ELP4: variants seen among roughly 807,000 people sequenced by gnomAD.
ELP4 encodes the protein elongator acetyltransferase complex subunit 4, also known as elongator complex protein 4.
In ELP4, 51 loss-of-function variants were observed where a neutral mutation model predicts 48.9. That is an observed-to-expected ratio of 1.04 (90% CI 0.83 to 1.32). The LOEUF is 1.32. Ranked by LOEUF, ELP4 falls within the 40% of genes most tolerant of loss-of-function variation. The pLI is 0.00. For synonymous variants in ELP4, 210 were observed against 189.2 expected (o/e 1.11, Z -0.90); for missense variants, 519 against 514.6 (o/e 1.01, Z -0.08).
At chr11:31,686,186 G>A (rs944037866) in intron 9 of ELP4, among the ~76,000 whole-genome samples, 6 of 151,704 alleles carry the variant, frequency 4.0e-5, no homozygotes, top group African/African-American at 1.5e-4. Flanking sequence ...TGTCATGCTA[G>A]CCCTAATACA....
chr11:31,653,975 T>C (rs1027895780), intron 9 of ELP4: 1 of 151,812 alleles, frequency 6.6e-6, no homozygotes, highest in African/African-American at 2.4e-5. Context: ...TTTGATGACA[T>C]AAGTGCAACA....
At chr11:31,583,741 A>C (rs189756203) in intron 3 of ELP4, among the ~76,000 whole-genome samples, 1 of 152,372 alleles carries the variant, frequency 6.6e-6, no homozygotes, top group East Asian at 1.9e-4. Flanking sequence ...TATAGTAAAC[A>C]ATTTAAAGTG....
chr11:31,777,624 GCT>G (rs1216572583), intron 9 of ELP4, among the ~76,000 whole-genome samples: 1 of 152,158 alleles, frequency 6.6e-6, no homozygotes, highest in Non-Finnish European at 1.5e-5. Context: ...CTCCCTTGCA[GCT>G]AGATGTGGCC....
intron 3 of ELP4, among the ~76,000 whole-genome samples, chr11:31,548,602 C>G (rs1161785755): frequency 6.6e-6 from 1 of 152,164 alleles, no homozygotes; most frequent in Non-Finnish European, 1.5e-5. Flanking sequence ...ATCAAGCTAC[C>G]AATGACTTTC....
At chr11:31,688,417 G>C (rs751983236) in intron 9 of ELP4, among the ~76,000 whole-genome samples, 1 of 152,078 alleles carries the variant, frequency 6.6e-6, no homozygotes, top group Non-Finnish European at 1.5e-5. Flanking sequence ...AATTGAATTT[G>C]AACTAAAATC....
At chr11:31,543,195 G>C (rs1318178950) in intron 3 of ELP4, among the ~76,000 whole-genome samples, 2 of 152,216 alleles carry the variant, frequency 1.3e-5, no homozygotes, top group East Asian at 3.8e-4. Context: ...TGTGAAGGGA[G>C]AAGGAGTAGT....
chr11:31,528,292 C>T (rs1021431942), intron 2 of ELP4, among the ~76,000 whole-genome samples: 6 of 151,972 alleles, frequency 3.9e-5, no homozygotes, highest in African/African-American at 1.2e-4. Flanking sequence ...TGGGTAAAGG[C>T]AATTAAATTA....
rs769800146 is a variant in ELP4, at chr11:31,603,764, G to T, written c.514-4G>T. 2 of 1,605,422 alleles carry T rather than the reference G, an allele frequency of 1.2e-6. No individual in the cohort carries two copies. The highest frequency in any genetic ancestry group is 2.7e-5 in the African/African-American group (2 of 74,604). ...AACAACCACTATGGGGTTTATTTTA[G>T]CAGATTGGACCAGTATCATCTTCAA... On this transcript the variant is annotated splice_polypyrimidine_tract_variant and splice_region_variant and intron_variant, in intron 4 of 9. Coordinates refer to ENST00000640961, the MANE Select transcript of ELP4 (RefSeq NM_019040.5).
intron 9 of ELP4, among the ~76,000 whole-genome samples, chr11:31,688,041 G>A (rs1946199667): frequency 6.6e-6 from 1 of 152,172 alleles, no homozygotes; most frequent in Non-Finnish European, 1.5e-5. Context: ...ATTTTTAAAT[G>A]AGGCCATCTG....
intron 9 of ELP4, among the ~76,000 whole-genome samples, chr11:31,668,688 G>A (rs1415406296): frequency 7.3e-5 from 10 of 137,154 alleles, no homozygotes; most frequent in South Asian, 2.5e-4. Flanking sequence ...GTGTGTGTGT[G>A]TGTGTGTGTG....
intron 9 of ELP4, among the ~76,000 whole-genome samples, chr11:31,661,940 C>T (rs7482911): frequency 0.63 from 95,899 of 151,260 alleles, 32,808 homozygotes; most frequent in Non-Finnish European, 0.76. Flanking sequence ...GTAACTGATA[C>T]CACTTCCATA....
At chr11:31,533,164 A>C (rs1956427884) in intron 2 of ELP4, among the ~76,000 whole-genome samples, 1 of 151,952 alleles carries the variant, frequency 6.6e-6, no homozygotes, top group Admixed American at 6.6e-5. Flanking sequence ...CATTGTACCC[A>C]ATAGGTAGTT....
chr11:31,753,749 A>G (rs938471428), intron 9 of ELP4, among the ~76,000 whole-genome samples: 4 of 152,236 alleles, frequency 2.6e-5, no homozygotes, highest in Non-Finnish European at 4.4e-5. Flanking sequence ...TGATACATGC[A>G]TTATGATTGC....
chr11:31,731,567 G>GGTGTGTGTGTGTGTGT (rs148076836), intron 9 of ELP4, among the ~76,000 whole-genome samples: 1,988 of 142,834 alleles, frequency 0.014, 40 homozygotes, highest in African/African-American at 0.041. Flanking sequence ...CCATTAAGCA[G>GGTGTGTGTGTGTGTGT]GTGTGTGTGT....
intron 3 of ELP4, among the ~76,000 whole-genome samples, chr11:31,590,425 G>T (rs1957548930): frequency 6.6e-6 from 1 of 152,084 alleles, no homozygotes; most frequent in South Asian, 2.1e-4. Flanking sequence ...CACTTTCAAT[G>T]TATCAAAGAG....
intron 3 of ELP4, among the ~76,000 whole-genome samples, chr11:31,556,881 C>G (rs1464034035): frequency 6.6e-6 from 1 of 151,776 alleles, no homozygotes; most frequent in Non-Finnish European, 1.5e-5. Flanking sequence ...ATTAGAACTA[C>G]CTTGATGTTT....
intron 3 of ELP4, among the ~76,000 whole-genome samples, chr11:31,568,573 A>G (rs1035607235): frequency 2.0e-5 from 3 of 152,224 alleles, no homozygotes; most frequent in Non-Finnish European, 2.9e-5. Context: ...ACTGGTATAA[A>G]GACAGATATA....
At chr11:31,541,465 A>T (rs189411987) in intron 3 of ELP4, 1 of 152,338 alleles carries the variant, frequency 6.6e-6, no homozygotes, top group East Asian at 1.9e-4. Flanking sequence ...AGTAAAGGCC[A>T]AAACCATTGT....
intron 9 of ELP4, among the ~76,000 whole-genome samples, chr11:31,751,210 A>G (rs992802561): frequency 8.5e-5 from 13 of 152,246 alleles, no homozygotes; most frequent in African/African-American, 2.9e-4. Context: ...CTTGGCACCA[A>G]TTTGTAAAGC....
Sources: gnomAD v4.1 joint callset for allele counts (sites outside exome capture counted in the v4.1 genomes callset) on GRCh38, gnomAD v4.1.1 for gene constraint, MANE v1.5 for transcripts, NCBI Gene and HGNC (gene_info 2026-07-23, HGNC 2026-07-21) for gene names.